CENPP: variants seen among roughly 807,000 people sequenced by gnomAD.
CENPP encodes the protein centromere protein P.
A neutral mutation model predicts 35.6 loss-of-function variants in CENPP; 24 were observed. That is an observed-to-expected ratio of 0.67 (90% CI 0.49 to 0.95). The LOEUF is 0.95. CENPP is among the 40% of genes least tolerant of loss of function. The pLI is 0.00. For synonymous variants in CENPP, 120 were observed against 125.5 expected (o/e 0.96, Z 0.29); for missense variants, 332 against 345.3 (o/e 0.96, Z 0.31).
At chr9:92,340,406 CTTTA>C (rs1841074842) in intron 3 of CENPP, 1 of 152,154 alleles carries the variant, frequency 6.6e-6, no homozygotes, top group African/African-American at 2.4e-5. Context: ...AATATCTTCA[CTTTA>C]TTTAAGTTGC....
intron 5 of CENPP, among the ~76,000 whole-genome samples, chr9:92,508,198 G>A (rs1386411725): frequency 6.6e-6 from 1 of 152,180 alleles, no homozygotes; most frequent in Admixed American, 6.5e-5. Context: ...CCCAGCACCC[G>A]AGGGGCCAGT....
chr9:92,481,835 G>A (rs1314214907), intron 5 of CENPP, among the ~76,000 whole-genome samples: 2 of 151,964 alleles, frequency 1.3e-5, no homozygotes, highest in African/African-American at 2.4e-5. Flanking sequence ...TGACATTTCA[G>A]TAATTCACAC....
chr9:92,428,733 C>T (rs1303799598), intron 5 of CENPP, among the ~76,000 whole-genome samples: 1 of 152,126 alleles, frequency 6.6e-6, no homozygotes, highest in Non-Finnish European at 1.5e-5. Flanking sequence ...CTACTTGTTA[C>T]TTCCAGTGAT....
intron 5 of CENPP, among the ~76,000 whole-genome samples, chr9:92,545,749 T>C (rs1473986026): frequency 6.6e-6 from 1 of 152,208 alleles, no homozygotes; most frequent in African/African-American, 2.4e-5. Flanking sequence ...TTGGAGAACC[T>C]TTATGTCTAG....
intron 5 of CENPP, chr9:92,459,647 C>T (rs201929283): frequency 1.4e-5 from 22 of 1,612,736 alleles, no homozygotes; most frequent in Middle Eastern, 3.8e-4. Flanking sequence ...GGTATTTCAA[C>T]TCTGGTAATC....
intron 1 of CENPP, among the ~76,000 whole-genome samples, chr9:92,329,516 TTTTTTC>T (rs561946463): frequency 7.6e-4 from 115 of 152,210 alleles, no homozygotes; most frequent in African/African-American, 2.6e-3. Flanking sequence ...GTCTCTGTTC[TTTTTTC>T]TTTTTCTTTT....
At chr9:92,475,339 TAAAA>T (rs989351981) in intron 5 of CENPP, among the ~76,000 whole-genome samples, 1 of 151,668 alleles carries the variant, frequency 6.6e-6, no homozygotes, top group Non-Finnish European at 1.5e-5. Context: ...TTTTGTGAAA[TAAAA>T]AAAAGCAAAT....
chr9:92,459,571 G>T, intron 5 of CENPP: 1 of 1,529,768 alleles, frequency 6.5e-7, no homozygotes, highest in Non-Finnish European at 9.0e-7. Context: ...GTGTGCTAAA[G>T]TGTGTTATAA....
At chr9:92,429,944 T>G (rs1208511108) in intron 5 of CENPP, among the ~76,000 whole-genome samples, 1 of 152,188 alleles carries the variant, frequency 6.6e-6, no homozygotes, top group East Asian at 1.9e-4. Context: ...GTTTCTACTC[T>G]TTTCCTAATG....
intron 5 of CENPP, among the ~76,000 whole-genome samples, chr9:92,516,064 CTTT>C (rs869200958): frequency 6.7e-6 from 1 of 148,754 alleles, no homozygotes; most frequent in Admixed American, 6.7e-5. Flanking sequence ...ACAGTGCATA[CTTT>C]TTTTTCCCCC....
In CENPP at chr9:92,476,460, ATTAC is replaced by A. The variant is rs1323406586; in HGVS notation, c.564+96604_564+96607del. Among the ~76,000 whole-genome samples, 1 of 152,108 alleles carries A rather than the reference ATTAC, an allele frequency of 6.6e-6. No homozygotes were observed. The highest frequency in any genetic ancestry group is 1.5e-5 in the Non-Finnish European group (1 of 68,006). Reference sequence around the variant, plus strand: ...ACTGTCATTAGTTATTAACCTGATAATTACTTTATTTAATTTCTCATATGCTCCA... The same window carrying A: ...ACTGTCATTAGTTATTAACCTGATAATTTATTTAATTTCTCATATGCTCCA... On this transcript the variant is annotated intron_variant, in intron 5 of 7. Coordinates refer to ENST00000375587, the MANE Select transcript of CENPP (RefSeq NM_001012267.3). This position sits in a 1 kb window ranked among gnomAD's most constrained non-coding sequence, Gnocchi z 4.1.
At chr9:92,502,430 C>T in intron 5 of CENPP, 1 of 1,514,786 alleles carries the variant, frequency 6.6e-7, no homozygotes, top group South Asian at 1.2e-5. Context: ...CTCACTTATC[C>T]CATTCCCAGT....
intron 5 of CENPP, among the ~76,000 whole-genome samples, chr9:92,561,938 A>T (rs1389679644): frequency 2.0e-5 from 3 of 152,206 alleles, no homozygotes; most frequent in Non-Finnish European, 4.4e-5. Context: ...AGAGGAGGAA[A>T]ACTGAAGTGT....
At chr9:92,496,110 A>C (rs988583829) in intron 5 of CENPP, 1 of 1,200,590 alleles carries the variant, frequency 8.3e-7, no homozygotes, top group African/African-American at 1.6e-5. Flanking sequence ...AAACTGAGAG[A>C]TTTTACCTTT....
intron 4 of CENPP, among the ~76,000 whole-genome samples, chr9:92,369,211 T>G (rs1328042839): frequency 6.6e-6 from 1 of 151,978 alleles, no homozygotes; most frequent in African/African-American, 2.4e-5. Context: ...AGCACTGGGG[T>G]CAGTCAAGAG....
At chr9:92,399,703 A>C (rs1164346049) in intron 5 of CENPP, among the ~76,000 whole-genome samples, 12 of 152,190 alleles carry the variant, frequency 7.9e-5, no homozygotes, top group Admixed American at 7.9e-4. Flanking sequence ...GTATGGACCT[A>C]AATGTACACC....
chr9:92,509,884 A>T, intron 5 of CENPP: 1 of 1,594,442 alleles, frequency 6.3e-7, no homozygotes, highest in South Asian at 1.1e-5. Flanking sequence ...TCATTGAAAA[A>T]CAAATATTAA....
At chr9:92,338,559 G>A (rs1441083465) in intron 3 of CENPP, among the ~76,000 whole-genome samples, 1 of 151,752 alleles carries the variant, frequency 6.6e-6, no homozygotes. Flanking sequence ...GAATCATTAT[G>A]AGAAAAACAA....
rs761921021 is a variant in CENPP at position 92,615,942 on chromosome 9, C to T, written c.*2793C>T. The T allele has an allele frequency of 1.2e-6, 2 of 1,614,064 alleles. No individual in the cohort carries two copies. Among genetic ancestry groups the T allele is most frequent in the South Asian group, 2.2e-5 (2 of 91,072 alleles). ...TTTGAATAATAGTTGACGATCTTGC[C>T]GTCCAGTTTATACTGATGGGGAATG... On this transcript the variant is annotated 3_prime_UTR_variant, in exon 8 of 8. Transcript: ENST00000375587.
Sources: gnomAD v4.1 joint callset for allele counts (sites outside exome capture counted in the v4.1 genomes callset) on GRCh38, gnomAD v4.1.1 for gene constraint, Gnocchi (gnomAD v3.1) non-coding constraint, MANE v1.5 for transcripts, NCBI Gene and HGNC (gene_info 2026-07-23, HGNC 2026-07-21) for gene names.